The following CCDC171 variants were observed in gnomAD, a reference collection of about 807,000 sequenced individuals.
CCDC171 encodes the protein coiled-coil domain containing 171.
In CCDC171, 177 loss-of-function variants were observed where a neutral mutation model predicts 168.2. The ratio of observed to expected loss-of-function variants is 1.05; its 90% CI spans 0.93 to 1.19. The LOEUF is 1.19. Ranked by LOEUF, CCDC171 falls within the 50% of genes most tolerant of loss-of-function variation. CCDC171 has a pLI of 0.00. For missense variants in CCDC171, 1,991 were observed against 1,539.0 expected (o/e 1.29, Z -4.91); for synonymous variants, 687 against 540.8 (o/e 1.27, Z -3.75).
intron 1 of CCDC171, among the ~76,000 whole-genome samples, chr9:16,059,423 T>C (rs1388081364): frequency 2.0e-5 from 3 of 151,148 alleles, no homozygotes; most frequent in Non-Finnish European, 4.4e-5. Context: ...CTGTGAGTGA[T>C]GCAAACGGCA....
intron 3 of CCDC171, among the ~76,000 whole-genome samples, chr9:16,007,346 G>A (rs1024409657): frequency 2.0e-5 from 3 of 152,266 alleles, no homozygotes; most frequent in Non-Finnish European, 2.9e-5. Flanking sequence ...TTTGTCAGAT[G>A]AGTAGGTTGC....
chr9:15,873,473 T>C (rs1817449815), intron 23 of CCDC171, among the ~76,000 whole-genome samples: 1 of 152,090 alleles, frequency 6.6e-6, no homozygotes, highest in South Asian at 2.1e-4. Flanking sequence ...TAAAAAACTT[T>C]TTGTTCTGTG....
intron 3 of CCDC171, 68 bp from the exon 4 acceptor site, chr9:15,578,781 A>G: frequency 7.8e-7 from 1 of 1,289,578 alleles, no homozygotes; most frequent in Non-Finnish European, 1.1e-6. Flanking sequence ...TCTCTAAGAA[A>G]CTTAAATGTT....
intron 14 of CCDC171, 60 bp downstream of exon 14, chr9:15,725,036 A>G: frequency 2.5e-6 from 3 of 1,196,012 alleles, no homozygotes; most frequent in Non-Finnish European, 3.7e-6. Context: ...AGTGTTATAC[A>G]TCAAGTGACT....
intron 3 of CCDC171, among the ~76,000 whole-genome samples, chr9:15,999,431 G>GGAGA (rs1344021523): frequency 1.3e-5 from 2 of 150,874 alleles, no homozygotes; most frequent in Non-Finnish European, 3.0e-5. Flanking sequence ...AGGGAGGGAG[G>GGAGA]GAGAGAGGTG....
At chr9:16,061,391 C>T (rs1444463174), downstream of CCDC171, 1 of 152,218 alleles carries the variant, frequency 6.6e-6, no homozygotes, top group African/African-American at 2.4e-5. Context: ...ACAACAAACA[C>T]TCCATTGAGT....
At chr9:15,742,973 CT>C (rs2054989442) in intron 16 of CCDC171, among the ~76,000 whole-genome samples, 1 of 151,474 alleles carries the variant, frequency 6.6e-6, no homozygotes, top group African/African-American at 2.4e-5. Flanking sequence ...GAGACAGGGT[CT>C]TAGTCTGTTG....
intron 7 of CCDC171, among the ~76,000 whole-genome samples, chr9:15,624,284 A>G (rs1301470737): frequency 1.3e-5 from 2 of 152,224 alleles, no homozygotes; most frequent in East Asian, 3.9e-4. Flanking sequence ...GAGGCTAGGC[A>G]GAGAATAATA....
At chr9:15,652,592 G>C (rs1447878378) in intron 7 of CCDC171, among the ~76,000 whole-genome samples, 1 of 151,976 alleles carries the variant, frequency 6.6e-6, no homozygotes, top group Non-Finnish European at 1.5e-5. Context: ...CACCACACTT[G>C]GCTAATTTTT....
At chr9:15,800,587 C>G (rs192706260) in intron 21 of CCDC171, among the ~76,000 whole-genome samples, 53 of 152,046 alleles carry the variant, frequency 3.5e-4, no homozygotes, top group African/African-American at 1.2e-3. Flanking sequence ...TTGATTGTTT[C>G]TTTTGCTGTG....
intron 3 of CCDC171, among the ~76,000 whole-genome samples, chr9:16,017,052 A>T (rs1224119034): frequency 6.6e-6 from 1 of 152,174 alleles, no homozygotes; most frequent in Non-Finnish European, 1.5e-5. Flanking sequence ...GCAGGGAATG[A>T]TGAACTTGAG....
chr9:16,012,918 T>C (rs1832908426), intron 3 of CCDC171, among the ~76,000 whole-genome samples: 1 of 152,138 alleles, frequency 6.6e-6, no homozygotes, highest in South Asian at 2.1e-4. Context: ...CTTAAACGTA[T>C]AGGTCTCAGC....
At chr9:15,725,160 T>C (rs2053718164) in intron 14 of CCDC171, among the ~76,000 whole-genome samples, 184 bp downstream of exon 14, 1 of 152,228 alleles carries the variant, frequency 6.6e-6, no homozygotes, top group Non-Finnish European at 1.5e-5. Context: ...GTGAGAGAAG[T>C]ACTATAACTT....
At chr9:15,956,281 T>C (rs1193389270) in intron 25 of CCDC171, among the ~76,000 whole-genome samples, 2 of 152,178 alleles carry the variant, frequency 1.3e-5, no homozygotes, top group African/African-American at 4.8e-5. Flanking sequence ...GTGGGAAATA[T>C]CTGCTGGGAT....
At chr9:16,090,426 G>A in the CCDC171 span, among the ~76,000 whole-genome samples, 3 of 152,198 alleles carry the variant, frequency 2.0e-5, no homozygotes, top group East Asian at 3.9e-4. Flanking sequence ...GGGGGTGGGG[G>A]GCTAGTGGAG....
intron 6 of CCDC171, among the ~76,000 whole-genome samples, chr9:16,023,064 G>C (rs1360746945): frequency 6.6e-6 from 1 of 151,992 alleles, no homozygotes; most frequent in African/African-American, 2.4e-5. Flanking sequence ...ATACTAAGGG[G>C]TTCTCAGGTC....
chr9:15,738,891 C>T (rs2054664154), intron 16 of CCDC171, among the ~76,000 whole-genome samples: 1 of 151,948 alleles, frequency 6.6e-6, no homozygotes, highest in African/African-American at 2.4e-5. Context: ...TATTCAGTGT[C>T]TATTATGGGC....
intron 1 of CCDC171, among the ~76,000 whole-genome samples, chr9:16,045,354 C>T (rs1048368923): frequency 2.6e-5 from 4 of 152,202 alleles, no homozygotes; most frequent in Non-Finnish European, 5.9e-5. Flanking sequence ...GGCTTGTCAA[C>T]CTCAGCACTG....
At chr9:15,787,996 T>G (rs1365237540) in intron 21 of CCDC171, among the ~76,000 whole-genome samples, 1 of 152,210 alleles carries the variant, frequency 6.6e-6, no homozygotes, top group Non-Finnish European at 1.5e-5. Flanking sequence ...ATAGTTTGTG[T>G]TTAGGTATAA....
Sources: gnomAD v4.1 joint callset for allele counts (sites outside exome capture counted in the v4.1 genomes callset) on GRCh38, gnomAD v4.1.1 for gene constraint, MANE v1.5 for transcripts, NCBI Gene and HGNC (gene_info 2026-07-23, HGNC 2026-07-21) for gene names.